The following HSD17B3 variants were observed in gnomAD, a reference collection of about 807,000 sequenced individuals.
The protein encoded by HSD17B3 is hydroxysteroid 17-beta dehydrogenase 3, also known as 17-beta-hydroxysteroid dehydrogenase type 3.
Under a neutral mutation model 41.1 loss-of-function variants are expected in HSD17B3, and 29 were observed. The observed-to-expected ratio is 0.71, with a 90% CI of 0.53 to 0.96. The LOEUF (loss-of-function observed/expected upper bound fraction) is 0.96, where lower values mean the gene tolerates loss of function less well. Ranked by LOEUF, HSD17B3 falls within the 40% of genes least tolerant of loss-of-function variation. HSD17B3 has a pLI of 0.00. For missense variants in HSD17B3, 323 were observed against 374.6 expected (o/e 0.86, Z 1.14); for synonymous variants, 126 against 145.6 (o/e 0.87, Z 0.97).
chr9:96,251,201 G>A, intron 5 of HSD17B3: 2 of 594,618 alleles, frequency 3.4e-6, no homozygotes, highest in South Asian at 2.1e-5. Context: ...CAGAGAAGGA[G>A]GAAGATGTCC....
At chr9:96,293,783 A>G (rs1026937802) in intron 2 of HSD17B3, among the ~76,000 whole-genome samples, 1 of 151,920 alleles carries the variant, frequency 6.6e-6, no homozygotes, top group African/African-American at 2.4e-5. Flanking sequence ...TTAAATATCC[A>G]ATAAGAACAA....
At chr9:96,257,217 G>A (rs1027759005) in intron 2 of HSD17B3, among the ~76,000 whole-genome samples, 2 of 152,132 alleles carry the variant, frequency 1.3e-5, no homozygotes, top group South Asian at 2.1e-4. Context: ...GTGCAAGAAC[G>A]AAATAATACA....
intron 2 of HSD17B3, among the ~76,000 whole-genome samples, chr9:96,281,130 G>A (rs1826674975): frequency 1.3e-5 from 2 of 152,024 alleles, no homozygotes; most frequent in Admixed American, 1.3e-4. Context: ...TTCTCTTGGG[G>A]TCTGGATCAG....
chr9:96,251,535 T>C (rs1825410698), intron 4 of HSD17B3, 50 bp from the exon 5 acceptor site: 1 of 1,506,306 alleles, frequency 6.6e-7, no homozygotes, highest in Non-Finnish European at 9.2e-7. Flanking sequence ...AGGTGGGAGA[T>C]TTTCCCAAAG....
At chr9:96,236,995 A>G (rs1164820527) in intron 10 of HSD17B3, among the ~76,000 whole-genome samples, 4 of 152,162 alleles carry the variant, frequency 2.6e-5, no homozygotes, top group Non-Finnish European at 4.4e-5. Context: ...CCTCTGAGAT[A>G]TTTGAAGACA....
At chr9:96,270,959 G>GC (rs1554698944) in intron 2 of HSD17B3, among the ~76,000 whole-genome samples, 15 of 147,362 alleles carry the variant, frequency 1.0e-4, no homozygotes, top group Admixed American at 1.3e-4. Context: ...CTCTCGGGGG[G>GC]GGGGGTTAAG....
chr9:96,254,970 G>C, intron 2 of HSD17B3, 27 bp from the exon 3 acceptor site: 1 of 1,598,534 alleles, frequency 6.3e-7, no homozygotes, highest in Non-Finnish European at 8.6e-7. Context: ...AAAACCAAGA[G>C]ACAAGGATGA....
chr9:96,244,475 C>T (rs1159009477), intron 8 of HSD17B3, 81 bp from the exon 9 acceptor site: 2 of 1,280,046 alleles, frequency 1.6e-6, no homozygotes, highest in Admixed American at 3.4e-5. Context: ...TCAAGGGGCA[C>T]TGCAGACACA....
chr9:96,299,517 T>C (rs1827492564), intron 1 of HSD17B3, among the ~76,000 whole-genome samples: 2 of 152,148 alleles, frequency 1.3e-5, no homozygotes, highest in South Asian at 2.1e-4. Context: ...CCATCAATAA[T>C]AACGACGGAT....
intron 2 of HSD17B3, among the ~76,000 whole-genome samples, chr9:96,263,657 A>C (rs1272611266): frequency 6.6e-6 from 1 of 152,098 alleles, no homozygotes; most frequent in Non-Finnish European, 1.5e-5. Flanking sequence ...TGAACCCAGG[A>C]GGCAGAGCTT....
chr9:96,280,722 A>G (rs1247243177), intron 2 of HSD17B3, among the ~76,000 whole-genome samples: 1 of 152,190 alleles, frequency 6.6e-6, no homozygotes. Context: ...GAGGCATTCT[A>G]TGTCACAGGG....
chr9:96,284,428 T>C (rs1406999157), intron 2 of HSD17B3, among the ~76,000 whole-genome samples: 1 of 152,216 alleles, frequency 6.6e-6, no homozygotes, highest in African/African-American at 2.4e-5. Flanking sequence ...TGAAAACTAG[T>C]TGCGAGTATT....
chr9:96,269,909 GA>G (rs59947729), intron 2 of HSD17B3, among the ~76,000 whole-genome samples: 59,510 of 104,860 alleles, frequency 0.57, 15,313 homozygotes, highest in African/African-American at 0.61. Flanking sequence ...ATCTTAAAAA[GA>G]AAAAAAAAAA....
intron 9 of HSD17B3, among the ~76,000 whole-genome samples, chr9:96,243,339 G>A (rs1836526044): frequency 6.6e-6 from 1 of 152,214 alleles, no homozygotes; most frequent in African/African-American, 2.4e-5. Flanking sequence ...GAAAGGGACT[G>A]TGACCCGGTG....
chr9:96,284,215 TAAAAAAAA>T (rs569621446), intron 2 of HSD17B3, among the ~76,000 whole-genome samples: 43 of 100,212 alleles, frequency 4.3e-4, no homozygotes, highest in African/African-American at 1.4e-3. Flanking sequence ...GACTCCATCT[TAAAAAAAA>T]AAAAAAAAAA....
chr9:96,243,905 C>T (rs1486495993), intron 9 of HSD17B3, among the ~76,000 whole-genome samples: 1 of 152,176 alleles, frequency 6.6e-6, no homozygotes, highest in Non-Finnish European at 1.5e-5. Flanking sequence ...CATTCAAACT[C>T]GGATCAAGTG....
chr9:96,263,685 T>C (rs143852614), intron 2 of HSD17B3, among the ~76,000 whole-genome samples: 4 of 151,858 alleles, frequency 2.6e-5, no homozygotes, highest in Non-Finnish European at 5.9e-5. Flanking sequence ...GCAGAGATTG[T>C]GCCACTGCAC....
rs762207020 is a variant in HSD17B3, at chr9:96,245,366, G to A, written c.585C>T (p.Tyr195=). 6.2e-7 allele frequency: 1 copy of A among 1,613,626 alleles called. No homozygotes were observed. The change falls in exon 8 of 11, where the codon TAC becomes TAT. Residue 195 remains tyrosine (Y), a synonymous_variant. Coordinates refer to ENST00000375263, the MANE Select transcript of HSD17B3 (RefSeq NM_000197.2). The part of the protein sequence containing the change: ...SGIALFPWPL[Y]SMYSASKAFV... ...TCACCTTGGAAGCTGAGTACATGGA[G>A]TAGAGAGGCCAAGGAAACAGGGCTA...
At chr9:96,300,256 A>ACACACG (rs1827541795) in intron 1 of HSD17B3, among the ~76,000 whole-genome samples, 1 of 150,588 alleles carries the variant, frequency 6.6e-6, no homozygotes, top group African/African-American at 2.5e-5. Context: ...ACACACACGC[A>ACACACG]CACAGCAAAT....
Sources: gnomAD v4.1 joint callset for allele counts (sites outside exome capture counted in the v4.1 genomes callset) on GRCh38, gnomAD v4.1.1 for gene constraint, MANE v1.5 for transcripts, NCBI Gene and HGNC (gene_info 2026-07-23, HGNC 2026-07-21) for gene names.